ADCY2: variants seen among roughly 807,000 people sequenced by gnomAD.
ADCY2 encodes the protein adenylate cyclase type 2.
Under a neutral mutation model 125.2 loss-of-function variants are expected in ADCY2, and 31 were observed. The observed-to-expected ratio is 0.25, with a 90% confidence interval of 0.19 to 0.33. ADCY2 has a LOEUF of 0.33. Among genes scored for constraint, ADCY2 ranks in the 10% least tolerant of loss-of-function variants. ADCY2 has a pLI of 1.00. For synonymous variants in ADCY2, 512 were observed against 548.4 expected (o/e 0.93, Z 0.93); for missense variants, 904 against 1,418.2 (o/e 0.64, Z 5.82).
In ADCY2 at chr5:7,648,922, A is replaced by G. The variant is rs547329389; in HGVS notation, c.720+22606A>G. Among the ~76,000 whole-genome samples, 9 of 152,328 alleles carry G rather than the reference A, an allele frequency of 5.9e-5. No individual in the cohort carries two copies. The South Asian group carries it at 1.9e-3, about 32-fold the overall frequency. On this transcript the variant is annotated intron_variant, in intron 4 of 24. Coordinates refer to ENST00000338316, the MANE Select transcript of ADCY2 (RefSeq NM_020546.3). ...GCTCAGAAGATAAGCTATAGAACTTAGTGGACATAAAACCTGTCTCATAAA... is the reference window on the plus strand; with the variant it reads ...GCTCAGAAGATAAGCTATAGAACTTGGTGGACATAAAACCTGTCTCATAAA...
intron 5 of ADCY2, chr5:7,692,304 G>A (rs1355571454): frequency 1.3e-5 from 2 of 152,124 alleles, no homozygotes; most frequent in Non-Finnish European, 2.9e-5. Context: ...TTTGACACCA[G>A]ATTTTAGATT....
At chr5:7,630,728 A>C (rs1738284762) in intron 4 of ADCY2, among the ~76,000 whole-genome samples, 1 of 147,760 alleles carries the variant, frequency 6.8e-6, no homozygotes, top group Admixed American at 6.7e-5. Flanking sequence ...GACCCTTTCC[A>C]CCATATGTAA....
At chr5:7,502,782 T>C (rs1267321038) in intron 2 of ADCY2, among the ~76,000 whole-genome samples, 1 of 152,194 alleles carries the variant, frequency 6.6e-6, no homozygotes, top group Non-Finnish European at 1.5e-5. Flanking sequence ...CTTTTCCCAA[T>C]ACTGTGCTTG....
intron 15 of ADCY2, among the ~76,000 whole-genome samples, chr5:7,754,489 C>G (rs1382625445): frequency 1.3e-5 from 2 of 152,040 alleles, no homozygotes; most frequent in Non-Finnish European, 2.9e-5. Flanking sequence ...CATAATTTCA[C>G]AAATATAAGA....
chr5:7,601,263 TTTAATA>T (rs1238248237), intron 3 of ADCY2, among the ~76,000 whole-genome samples: 2 of 152,172 alleles, frequency 1.3e-5, no homozygotes, highest in Non-Finnish European at 2.9e-5. Flanking sequence ...TTGAGGCCAA[TTTAATA>T]TTAAGTTATT....
intron 2 of ADCY2, among the ~76,000 whole-genome samples, chr5:7,508,794 G>C (rs754474312): frequency 7.9e-5 from 12 of 152,158 alleles, no homozygotes; most frequent in Non-Finnish European, 1.3e-4. Context: ...ATGCAAGGAA[G>C]GGGCATTGTG....
intron 24 of ADCY2, among the ~76,000 whole-genome samples, chr5:7,824,544 A>G (rs1745407265): frequency 1.3e-5 from 2 of 152,160 alleles, no homozygotes; most frequent in South Asian, 4.2e-4. Flanking sequence ...GGTTTTCTTC[A>G]TCTTCTTTCA....
chr5:7,425,738 G>C (rs1006073575), intron 2 of ADCY2, among the ~76,000 whole-genome samples: 1 of 152,172 alleles, frequency 6.6e-6, no homozygotes, highest in Non-Finnish European at 1.5e-5. Flanking sequence ...TTTGCCTGCC[G>C]GAGGCTTCAC....
At chr5:7,744,245 T>G (rs541156542) in intron 15 of ADCY2, among the ~76,000 whole-genome samples, 1 of 151,956 alleles carries the variant, frequency 6.6e-6, no homozygotes, top group South Asian at 2.1e-4. Flanking sequence ...AGGGGAGGGA[T>G]AGCATTAGGA....
chr5:7,762,357 A>G (rs1425078746), intron 16 of ADCY2, among the ~76,000 whole-genome samples: 3 of 152,368 alleles, frequency 2.0e-5, no homozygotes, highest in African/African-American at 2.4e-5. Context: ...GGACTTGTCC[A>G]TGGGGCTCTG....
At chr5:7,408,748 G>T (rs545449642) in intron 1 of ADCY2, among the ~76,000 whole-genome samples, 2 of 152,190 alleles carry the variant, frequency 1.3e-5, no homozygotes, top group Non-Finnish European at 2.9e-5. Flanking sequence ...TGGTGAGGTT[G>T]TGGAGAGAAA....
chr5:7,698,518 C>T (rs1223781767), intron 7 of ADCY2, 144 bp downstream of exon 7: 2 of 820,446 alleles, frequency 2.4e-6, no homozygotes, highest in East Asian at 5.3e-5. Context: ...TTAGGTATTT[C>T]TACTAATGCT....
chr5:7,809,427 A>G (rs947714827), intron 22 of ADCY2, among the ~76,000 whole-genome samples: 2 of 152,264 alleles, frequency 1.3e-5, no homozygotes, highest in Admixed American at 1.3e-4. Context: ...TTACTTTTAT[A>G]AGAAATGAAT....
intron 7 of ADCY2, among the ~76,000 whole-genome samples, chr5:7,703,179 T>C (rs1741147336): frequency 6.6e-6 from 1 of 152,250 alleles, no homozygotes; most frequent in Non-Finnish European, 1.5e-5. Context: ...TTCTGTAGGT[T>C]GCCTGTTCAC....
intron 4 of ADCY2, among the ~76,000 whole-genome samples, chr5:7,673,228 C>A (rs1168410277): frequency 1.3e-5 from 1 of 75,098 alleles, no homozygotes; most frequent in Non-Finnish European, 2.5e-5. Flanking sequence ...CATGGTGAAA[C>A]CTTGTCTCTC....
At chr5:7,617,591 T>C (rs940560628) in intron 3 of ADCY2, among the ~76,000 whole-genome samples, 2 of 152,224 alleles carry the variant, frequency 1.3e-5, no homozygotes, top group South Asian at 4.1e-4. Flanking sequence ...GCTGCAGTCT[T>C]GTCCACTTGG....
intron 4 of ADCY2, among the ~76,000 whole-genome samples, chr5:7,650,217 G>GACACACACAC (rs3073883): frequency 0.028 from 4,164 of 147,832 alleles, 68 homozygotes; most frequent in African/African-American, 0.033. Flanking sequence ...TGCAGGCACA[G>GACACACACAC]ACACACACAC....
At chr5:7,711,511 T>A (rs4235584) in intron 10 of ADCY2, among the ~76,000 whole-genome samples, 3 of 152,178 alleles carry the variant, frequency 2.0e-5, no homozygotes, top group Admixed American at 2.0e-4. Context: ...TGTGTTCCTG[T>A]GGGGAAAAGG....
chr5:7,595,381 G>A (rs1165363384), intron 3 of ADCY2, among the ~76,000 whole-genome samples: 3 of 152,066 alleles, frequency 2.0e-5, no homozygotes, highest in Non-Finnish European at 4.4e-5. Context: ...TTGTGTTAAT[G>A]TTTAAGCCTT....
Sources: allele counts gnomAD v4.1 joint callset (sites outside exome capture counted in the v4.1 genomes callset), GRCh38; gene constraint gnomAD v4.1.1; transcripts MANE v1.5; gene names NCBI Gene and HGNC (gene_info 2026-07-23, HGNC 2026-07-21).